Variants in ZFAT observed in about 807,000 individuals in gnomAD.
ZFAT encodes the protein zinc finger and AT-hook domain containing, also known as zinc finger protein ZFAT.
A neutral mutation model predicts 117.7 loss-of-function variants in ZFAT; 64 were observed. The ratio of observed to expected loss-of-function variants is 0.54; its 90% confidence interval spans 0.44 to 0.67. ZFAT has a LOEUF of 0.67. Ranked by LOEUF, ZFAT falls within the 30% of genes least tolerant of loss-of-function variation. The pLI is 0.00. For synonymous variants in ZFAT, 679 were observed against 615.0 expected, an observed-to-expected ratio of 1.10 and a Z score of -1.54; for missense variants, 1,433 against 1,584.5, an observed-to-expected ratio of 0.90 and a Z score of 1.62.
the ZFAT span, among the ~76,000 whole-genome samples, chr8:134,774,289 G>A: frequency 2.0e-5 from 3 of 152,150 alleles, no homozygotes; most frequent in Non-Finnish European, 4.4e-5. Context: ...GAGACACTAC[G>A]CCTGGGCTTA....
At chr8:134,564,062 G>A (rs556241387) in intron 11 of ZFAT, among the ~76,000 whole-genome samples, 2 of 152,298 alleles carry the variant, frequency 1.3e-5, no homozygotes, top group South Asian at 4.1e-4. Context: ...GGCTGAAGCA[G>A]GGGAATCGCT....
chr8:134,612,169 C>T (rs187929403), intron 3 of ZFAT, among the ~76,000 whole-genome samples: 1 of 152,196 alleles, frequency 6.6e-6, no homozygotes, highest in African/African-American at 2.4e-5. Context: ...GAACATATGA[C>T]AAATGCACAG....
intron 8 of ZFAT, 112 bp from the exon 9 acceptor site, chr8:134,588,507 G>T: frequency 8.4e-7 from 1 of 1,184,920 alleles, no homozygotes; most frequent in Non-Finnish European, 1.1e-6. Context: ...TGTGCCTCAT[G>T]GTGTCCAGAG....
At chr8:134,797,451 A>C in the ZFAT span, 1 of 152,128 alleles carries the variant, frequency 6.6e-6, no homozygotes, top group Non-Finnish European at 1.5e-5. Context: ...AAGTTTCTCA[A>C]ACTAATTTTA....
the ZFAT span, among the ~76,000 whole-genome samples, chr8:134,732,856 A>G: frequency 1.3e-5 from 2 of 152,224 alleles, no homozygotes; most frequent in Non-Finnish European, 2.9e-5. Flanking sequence ...TTGTTAGGGC[A>G]GTGAGACTAT....
At position 134,588,323 on chromosome 8, in the gene ZFAT, G is replaced by C; in HGVS notation, c.2636C>G (p.Ala879Gly). The change falls in exon 9 of 16, where the codon GCC becomes GGC. Residue 879 changes from alanine to glycine, a missense_variant. This residue lies in a region of ZFAT where 503 missense variants were observed against 543.4 expected (regional missense o/e 0.93). Coordinates refer to ENST00000377838, the MANE Select transcript of ZFAT (RefSeq NM_020863.4). ...AAAGTCACAATATGGGCATTTCATG[G>C]CTCTCTTTCCAATTAGCCCTTTCAG... ...VQLKGLIGKR[A>G]MKCPYCDFYF... 1 of 1,588,972 alleles carries C rather than the reference G, an allele frequency of 6.3e-7. No individual in the cohort carries two copies. The highest frequency in any genetic ancestry group is 8.6e-7 in the Non-Finnish European group (1 of 1,166,902).
chr8:134,497,351 C>T (rs947223026), intron 15 of ZFAT, among the ~76,000 whole-genome samples: 1 of 152,138 alleles, frequency 6.6e-6, no homozygotes, highest in African/African-American at 2.4e-5. Context: ...AGGAGGGGGA[C>T]TGACAGCTGA....
At chr8:134,777,944 T>A in the ZFAT span, among the ~76,000 whole-genome samples, 1 of 152,138 alleles carries the variant, frequency 6.6e-6, no homozygotes, top group Non-Finnish European at 1.5e-5. Flanking sequence ...ATCACTCAAA[T>A]GCAAAACACT....
the ZFAT span, among the ~76,000 whole-genome samples, chr8:134,799,170 A>G: frequency 2.6e-5 from 4 of 152,184 alleles, no homozygotes; most frequent in Non-Finnish European, 5.9e-5. Flanking sequence ...ACTCACCTTC[A>G]ACAAGTCTCC....
intron 1 of ZFAT, among the ~76,000 whole-genome samples, chr8:134,689,836 G>A (rs530271625): frequency 2.0e-5 from 3 of 152,216 alleles, no homozygotes; most frequent in Non-Finnish European, 2.9e-5. Flanking sequence ...AAAGCACGGG[G>A]CAAGAGGCTG....
At chr8:134,770,437 A>G in the ZFAT span, among the ~76,000 whole-genome samples, 2 of 152,214 alleles carry the variant, frequency 1.3e-5, no homozygotes, top group Non-Finnish European at 2.9e-5. Flanking sequence ...TTTCATGGAC[A>G]CTTATCACTT....
At chr8:134,717,482 T>TTTTTTTTTTTTTTTTTTTTG, upstream of ZFAT, among the ~76,000 whole-genome samples, 2 of 84,792 alleles carry the variant, frequency 2.4e-5, 1 homozygote, top group Non-Finnish European at 4.6e-5. Context: ...TTTTTTTTTT[T>TTTTTTTTTTTTTTTTTTTTG]TTTTTTTTTT....
At chr8:134,692,096 C>T (rs755581754) in intron 1 of ZFAT, among the ~76,000 whole-genome samples, 7 of 152,144 alleles carry the variant, frequency 4.6e-5, no homozygotes, top group Non-Finnish European at 8.8e-5. Flanking sequence ...CTCAGCCTCC[C>T]AAAGTGCTGA....
intron 1 of ZFAT, among the ~76,000 whole-genome samples, chr8:134,681,640 ACTAT>A (rs1202026410): frequency 1.3e-5 from 2 of 152,154 alleles, no homozygotes; most frequent in African/African-American, 4.8e-5. Flanking sequence ...CTGCTTTGTA[ACTAT>A]CTTTTACTTG....
At chr8:134,769,018 A>C in the ZFAT span, among the ~76,000 whole-genome samples, 4 of 152,120 alleles carry the variant, frequency 2.6e-5, no homozygotes, top group Non-Finnish European at 5.9e-5. Flanking sequence ...ACAAAAATAC[A>C]AAAATTAGCC....
intron 2 of ZFAT, among the ~76,000 whole-genome samples, chr8:134,642,364 A>G (rs1478645270): frequency 6.6e-6 from 1 of 152,190 alleles, no homozygotes; most frequent in African/African-American, 2.4e-5. Context: ...TCCGTTTCCA[A>G]TGCGAAAAAT....
chr8:134,614,155 T>C (rs1450925041), intron 3 of ZFAT, among the ~76,000 whole-genome samples: 1 of 152,144 alleles, frequency 6.6e-6, no homozygotes, highest in African/African-American at 2.4e-5. Flanking sequence ...CCTTCCCATC[T>C]CCATTAGGAG....
chr8:134,619,144 C>G (rs1459538474), intron 3 of ZFAT, among the ~76,000 whole-genome samples: 1 of 152,126 alleles, frequency 6.6e-6, no homozygotes, highest in Non-Finnish European at 1.5e-5. Context: ...AACACCTAAC[C>G]TGCCAAATAT....
chr8:134,785,264 C>T, the ZFAT span: 1 of 152,180 alleles, frequency 6.6e-6, no homozygotes, highest in African/African-American at 2.4e-5. Context: ...TTGGACACTT[C>T]CTTTGTCAGT....
Sources: gnomAD v4.1 joint callset for allele counts (sites outside exome capture counted in the v4.1 genomes callset) on GRCh38, gnomAD v4.1.1 for gene constraint, gnomAD v4.1.1 regional missense constraint, MANE v1.5 for transcripts, NCBI Gene and HGNC (gene_info 2026-07-23, HGNC 2026-07-21) for gene names.